Variants in PTGES3L observed in about 807,000 individuals in gnomAD.
PTGES3L encodes prostaglandin E synthase 3 like.
A neutral mutation model predicts 25.0 loss-of-function variants in PTGES3L; 17 were observed. The observed-to-expected ratio is 0.68, with a 90% CI of 0.47 to 1.02. The LOEUF (loss-of-function observed/expected upper bound fraction) is 1.02, where lower values mean the gene tolerates loss of function less well. Ranked by LOEUF, PTGES3L falls within the 50% of genes least tolerant of loss-of-function variation. The pLI is 0.00. For synonymous variants in PTGES3L, 59 were observed against 65.7 expected (o/e 0.90, Z 0.50); for missense variants, 202 against 197.5 (o/e 1.02, Z -0.14).
At chr17:42,971,467 A>C in intron 5 of PTGES3L, 140 bp downstream of exon 5, 1 of 751,816 alleles carries the variant, frequency 1.3e-6, no homozygotes, top group Non-Finnish European at 2.2e-6. Context: ...ATACGTAAAG[A>C]ATATCAGCAT....
intron 4 of PTGES3L, among the ~76,000 whole-genome samples, chr17:42,972,537 C>G (rs910403362): frequency 6.6e-6 from 1 of 152,158 alleles, no homozygotes; most frequent in Non-Finnish European, 1.5e-5. Flanking sequence ...TTGGCTGGGC[C>G]GGTCTCCAGC....
At chr17:42,973,607 AAAG>A (rs1297787804) in intron 4 of PTGES3L, among the ~76,000 whole-genome samples, 1 of 151,304 alleles carries the variant, frequency 6.6e-6, no homozygotes, top group Non-Finnish European at 1.5e-5. Context: ...GTCTGTGTAG[AAAG>A]AAGTAGACAT....
At chr17:42,978,077 C>CA (rs368420097) in intron 4 of PTGES3L, among the ~76,000 whole-genome samples, 770 of 47,374 alleles carry the variant, frequency 0.016, 79 homozygotes, top group African/African-American at 0.074. Context: ...AACTCCGAAT[C>CA]AAAAAAAAAA....
intron 4 of PTGES3L, among the ~76,000 whole-genome samples, chr17:42,972,603 C>T (rs1390821846): frequency 5.9e-5 from 9 of 152,102 alleles, no homozygotes; most frequent in African/African-American, 9.7e-5. Context: ...GGATTGCAGA[C>T]GGAGTCTCGT....
rs1482998381 is a variant in PTGES3L at position 42,970,674 on chromosome 17, G to GCACACACACACA, written c.379-333_379-332insTGTGTGTGTGTG. On this transcript the variant is annotated intron_variant, in intron 5 of 6. Transcript: ENST00000591916. ...CCCATGAAGTTGTCTGGCTTAACAC[G>GCACACACACACA]CGCACACACACACACACACACACAC... Among the ~76,000 whole-genome samples, 589 of 105,668 alleles carry GCACACACACACA rather than the reference G, an allele frequency of 5.6e-3. 11 individuals are homozygous for GCACACACACACA. Among genetic ancestry groups the GCACACACACACA allele is most frequent in the African/African-American group, 0.018 (555 of 30,610 alleles). The allele number at this position is 105,668 out of a possible 152,430, so 69.3% of individuals were successfully genotyped here.
intron 4 of PTGES3L, among the ~76,000 whole-genome samples, chr17:42,978,100 A>AAAAAAAAC (rs377110391): frequency 7.0e-6 from 1 of 142,356 alleles, no homozygotes; most frequent in African/African-American, 2.6e-5. Context: ...AAAAAAAAAA[A>AAAAAAAAC]CAGAAAGAAA....
intron 4 of PTGES3L, among the ~76,000 whole-genome samples, chr17:42,974,732 C>A (rs34113307): frequency 0.12 from 18,631 of 149,554 alleles, 1,646 homozygotes; most frequent in African/African-American, 0.24. Context: ...GAGATCACGC[C>A]ACTGTACTCC....
At chr17:42,977,253 C>T (rs1253383965) in intron 4 of PTGES3L, among the ~76,000 whole-genome samples, 1 of 152,046 alleles carries the variant, frequency 6.6e-6, no homozygotes, top group East Asian at 1.9e-4. Context: ...TGGTGAAACC[C>T]TGTCTCTATT....
intron 4 of PTGES3L, among the ~76,000 whole-genome samples, chr17:42,977,556 A>G (rs1216572964): frequency 6.7e-6 from 1 of 148,214 alleles, no homozygotes; most frequent in Non-Finnish European, 1.5e-5. Context: ...GTGAGCCGAG[A>G]TGGCGCCATT....
intron 4 of PTGES3L, among the ~76,000 whole-genome samples, chr17:42,976,865 T>C (rs1448486055): frequency 1.3e-5 from 2 of 152,118 alleles, no homozygotes; most frequent in African/African-American, 2.4e-5. Context: ...GGATTGAAAA[T>C]GGAACTGAAA....
chr17:42,980,046 C>A lies in PTGES3L; in HGVS notation c.8G>T (p.Arg3Leu), dbSNP rs1180986174. Residue 3 changes from arginine (R) to leucine (L), a missense_variant and splice_region_variant, in exon 1 of 7, where the codon CGG (arginine) becomes CTG (leucine). Coordinates refer to ENST00000591916, the MANE Select transcript of PTGES3L (RefSeq NM_001261430.2). The part of the protein sequence containing the change: MA[R>L]QHARTLWYDR... ...GAGCACCGGAGCCGGAAACACTCAC[C>A]GTGCCATTGCGGCTCCCGCTCCAGG... is the stretch of plus-strand genomic sequence containing the variant. 3.2e-6 allele frequency: 5 copies of A among 1,550,116 alleles called. No homozygotes were observed. Among genetic ancestry groups the A allele is most frequent in the Non-Finnish European group, 3.5e-6 (4 of 1,146,530 alleles).
At chr17:42,977,793 C>T (rs1056430918) in intron 4 of PTGES3L, among the ~76,000 whole-genome samples, 1 of 151,860 alleles carries the variant, frequency 6.6e-6, no homozygotes, top group Admixed American at 6.6e-5. Flanking sequence ...CAAGAATTGG[C>T]AGAGGCCGGG....
intron 4 of PTGES3L, chr17:42,972,062 C>T (rs1486008873): frequency 4.5e-6 from 1 of 223,070 alleles, no homozygotes; most frequent in Admixed American, 5.2e-5. Context: ...GTGACGGGCA[C>T]CTGTAGTCCC....
At chr17:42,974,772 CAAA>C (rs35782715) in intron 4 of PTGES3L, among the ~76,000 whole-genome samples, 25 of 120,080 alleles carry the variant, frequency 2.1e-4, no homozygotes, top group Non-Finnish European at 1.2e-4. Flanking sequence ...GACTCTGTCT[CAAA>C]AAAAAAAAAA....
chr17:42,971,773 T>A, intron 4 of PTGES3L, 77 bp from the exon 5 acceptor site: 1 of 1,496,616 alleles, frequency 6.7e-7, no homozygotes, highest in East Asian at 2.3e-5. Flanking sequence ...GGCATATGCA[T>A]GGGAGCACGC....
chr17:42,974,783 A>G (rs2049925166), intron 4 of PTGES3L, among the ~76,000 whole-genome samples: 2 of 151,842 alleles, frequency 1.3e-5, no homozygotes, highest in South Asian at 4.2e-4. Context: ...AAAAAAAAAA[A>G]AAAAAAAATT....
At chr17:42,974,115 C>G (rs1011257324) in intron 4 of PTGES3L, among the ~76,000 whole-genome samples, 4 of 152,064 alleles carry the variant, frequency 2.6e-5, no homozygotes, top group Non-Finnish European at 4.4e-5. Context: ...AATCCCAGCA[C>G]TCTGCGGGGC....
chr17:42,969,590 CA>C (rs1308589782), intron 6 of PTGES3L, among the ~76,000 whole-genome samples: 3 of 151,762 alleles, frequency 2.0e-5, no homozygotes, highest in Non-Finnish European at 4.4e-5. Flanking sequence ...TTGGTAGAGA[CA>C]GGGTTTTGCC....
chr17:42,972,592 G>A (rs1348562693), intron 4 of PTGES3L, among the ~76,000 whole-genome samples: 5 of 152,216 alleles, frequency 3.3e-5, no homozygotes, highest in African/African-American at 2.4e-5. Flanking sequence ...CCGAGGTGCC[G>A]GGATTGCAGA....
Sources: gnomAD v4.1 joint callset for allele counts (sites outside exome capture counted in the v4.1 genomes callset) on GRCh38, gnomAD v4.1.1 for gene constraint, MANE v1.5 for transcripts, NCBI Gene and HGNC (gene_info 2026-07-23, HGNC 2026-07-21) for gene names.